The following SEMA3E variants were observed in gnomAD, a reference collection of about 807,000 sequenced individuals.
The protein encoded by SEMA3E is semaphorin-3E.
SEMA3E carries 49 observed loss-of-function variants against 93.6 expected under a neutral mutation model. The observed-to-expected ratio is 0.52, with a 90% confidence interval of 0.42 to 0.66. SEMA3E has a LOEUF of 0.66. SEMA3E is among the 30% of genes least tolerant of loss of function. The pLI is 0.00. For missense variants in SEMA3E, 906 were observed against 964.8 expected, an observed-to-expected ratio of 0.94 and a Z score of 0.81; for synonymous variants, 363 against 330.7, an observed-to-expected ratio of 1.10 and a Z score of -1.06.
At chr7:83,523,805 A>C (rs1169618554) in intron 1 of SEMA3E, among the ~76,000 whole-genome samples, 4 of 152,134 alleles carry the variant, frequency 2.6e-5, no homozygotes, top group Non-Finnish European at 2.9e-5. Flanking sequence ...TAAATAATAT[A>C]CACGTATTTT....
intron 1 of SEMA3E, among the ~76,000 whole-genome samples, chr7:83,535,896 A>C (rs1285539385): frequency 6.6e-6 from 1 of 152,174 alleles, no homozygotes; most frequent in Non-Finnish European, 1.5e-5. Flanking sequence ...ATTTCCAAAA[A>C]GAATGGTTAG....
At chr7:83,495,871 A>G (rs1790480703) in intron 1 of SEMA3E, among the ~76,000 whole-genome samples, 1 of 151,952 alleles carries the variant, frequency 6.6e-6, no homozygotes, top group South Asian at 2.1e-4. Flanking sequence ...TCTCCAGTGA[A>G]CATGTGTTAC....
chr7:83,377,736 T>A lies in SEMA3E; in HGVS notation c.1875+7558A>T, dbSNP rs1787680805. On this transcript the variant is annotated intron_variant, in intron 16 of 16. Transcript: ENST00000643230. Reference sequence around the variant, plus strand: ...TTGAAGAAGCCATGGTTTTCTTTACTATAACTGAAATTACACACAATCACT... The same window carrying A: ...TTGAAGAAGCCATGGTTTTCTTTACAATAACTGAAATTACACACAATCACT... 1.3e-5 allele frequency among the ~76,000 whole-genome samples: 2 copies of A among 152,076 alleles called. 1 individual carries two copies. Among genetic ancestry groups the A allele is most frequent in the South Asian group, 4.1e-4 (2 of 4,834 alleles).
At chr7:83,620,109 A>G (rs1793520295) in intron 1 of SEMA3E, among the ~76,000 whole-genome samples, 1 of 151,954 alleles carries the variant, frequency 6.6e-6, no homozygotes, top group South Asian at 2.1e-4. Flanking sequence ...TATGGCCTCC[A>G]TAGCTCAGAA....
chr7:83,568,796 T>C (rs1792215144), intron 1 of SEMA3E, among the ~76,000 whole-genome samples: 3 of 152,086 alleles, frequency 2.0e-5, no homozygotes, highest in Admixed American at 1.3e-4. Context: ...GAAAACCTTT[T>C]TCTCTAAGAA....
In SEMA3E at chr7:83,363,859, CATTTTTTT is replaced by C. The variant is rs1794621532; in HGVS notation, c.*3719_*3726del. 66 of 100,556 alleles carry C rather than the reference CATTTTTTT, an allele frequency of 6.6e-4. No individual in the cohort carries two copies. Among genetic ancestry groups the C allele is most frequent in the Non-Finnish European group, 8.6e-4 (47 of 54,782 alleles). The allele number at this position is 100,556 out of a possible 1,614,324, so 6.2% of individuals were successfully genotyped here. A position where few individuals can be genotyped will look rare whatever the true frequency, so the allele number is the denominator to read the frequency against. The stretch of plus-strand genomic sequence containing the variant: ...AGGCTACAGGTGTCACAGGTCAATT[CATTTTTTT>C]TTTTTTTTTTTTTTTTTTTTTTTTT... On this transcript the variant is annotated 3_prime_UTR_variant, in exon 17 of 17. Transcript: ENST00000643230.
intron 1 of SEMA3E, among the ~76,000 whole-genome samples, chr7:83,633,148 A>ATTCCTTCCTCCTT (rs1793819471): frequency 1.3e-5 from 2 of 151,996 alleles, no homozygotes; most frequent in Non-Finnish European, 2.9e-5. Context: ...CTTAGCAATT[A>ATTCCTTCCTCCTT]TTCCTTCCTC....
At chr7:83,525,237 T>C (rs779626529) in intron 1 of SEMA3E, among the ~76,000 whole-genome samples, 1 of 152,058 alleles carries the variant, frequency 6.6e-6, no homozygotes, top group Non-Finnish European at 1.5e-5. Flanking sequence ...AAAGCAATAT[T>C]AATCCCTGAA....
chr7:83,478,409 GA>G (rs1401643040), intron 2 of SEMA3E, among the ~76,000 whole-genome samples: 2 of 151,500 alleles, frequency 1.3e-5, no homozygotes, highest in Non-Finnish European at 2.9e-5. Context: ...TTCATGAAAT[GA>G]AAAAAAGAAA....
At chr7:83,419,836 C>T (rs989332649) in intron 4 of SEMA3E, among the ~76,000 whole-genome samples, 8 of 141,612 alleles carry the variant, frequency 5.6e-5, no homozygotes, top group Admixed American at 1.5e-4. Flanking sequence ...AATAATAAGT[C>T]GTATATGACA....
At chr7:83,488,668 A>G (rs1790317997) in intron 2 of SEMA3E, among the ~76,000 whole-genome samples, 1 of 152,160 alleles carries the variant, frequency 6.6e-6, no homozygotes. Flanking sequence ...ATGCTTCCGC[A>G]ACATGGCAGA....
At position 83,366,491 on chromosome 7, in the gene SEMA3E, AT is replaced by A. The variant is rs954522362; in HGVS notation, c.*1094del. 6.6e-6 allele frequency: 1 copy of A among 151,810 alleles called. No homozygotes were observed. Among genetic ancestry groups the A allele is most frequent in the African/African-American group, 2.4e-5 (1 of 41,286 alleles). The allele number at this position is 151,810 out of a possible 1,614,324, so 9.4% of individuals were successfully genotyped here. ...ATATTTGAGAGCAAATCACTTTAAT[AT>A]TTTTTTCACAAATAAAACACGGTTG... On this transcript the variant is annotated 3_prime_UTR_variant, in exon 17 of 17. Transcript: ENST00000643230.
chr7:83,599,616 A>G (rs2115976129), intron 1 of SEMA3E, among the ~76,000 whole-genome samples: 1 of 152,356 alleles, frequency 6.6e-6, no homozygotes, highest in African/African-American at 2.4e-5. Context: ...TTCCCATTAG[A>G]TAACTATTAC....
chr7:83,598,701 G>A (rs1300677014), intron 1 of SEMA3E, among the ~76,000 whole-genome samples: 3 of 152,100 alleles, frequency 2.0e-5, no homozygotes, highest in East Asian at 1.9e-4. Flanking sequence ...GGGACCAAAC[G>A]TTCATAGTCA....
chr7:83,535,964 G>A (rs747886775), intron 1 of SEMA3E, among the ~76,000 whole-genome samples: 28 of 152,048 alleles, frequency 1.8e-4, no homozygotes, highest in Non-Finnish European at 3.5e-4. Context: ...GCAGGATCTC[G>A]TTAATCAAAC....
chr7:83,442,889 T>C (rs558253807), intron 4 of SEMA3E, among the ~76,000 whole-genome samples: 2 of 152,276 alleles, frequency 1.3e-5, no homozygotes, highest in Admixed American at 1.3e-4. Context: ...TTCTGCAGCA[T>C]AGCTAATAAA....
chr7:83,640,529 G>T (rs1167718630), intron 1 of SEMA3E, among the ~76,000 whole-genome samples: 1 of 152,120 alleles, frequency 6.6e-6, no homozygotes, highest in Non-Finnish European at 1.5e-5. Context: ...CATTGTCCAG[G>T]TGGCTAGTAA....
At chr7:83,604,490 T>G (rs1395890038) in intron 1 of SEMA3E, among the ~76,000 whole-genome samples, 1 of 148,720 alleles carries the variant, frequency 6.7e-6, no homozygotes, top group Admixed American at 6.8e-5. Flanking sequence ...TGAAAAATTT[T>G]GACACATTTA....
chr7:83,583,441 G>A (rs1019865772), intron 1 of SEMA3E, among the ~76,000 whole-genome samples: 2 of 152,130 alleles, frequency 1.3e-5, no homozygotes, highest in African/African-American at 4.8e-5. Flanking sequence ...AAAATTAACT[G>A]TGAATCCATC....
Sources: allele counts gnomAD v4.1 joint callset (sites outside exome capture counted in the v4.1 genomes callset), GRCh38; gene constraint gnomAD v4.1.1; transcripts MANE v1.5; gene names NCBI Gene and HGNC (gene_info 2026-07-23, HGNC 2026-07-21).